Variants in TFEC observed in about 807,000 individuals in gnomAD.
TFEC encodes class E basic helix-loop-helix protein 34.
TFEC carries 31 observed loss-of-function variants against 41.6 expected under a neutral mutation model. The observed-to-expected ratio is 0.74, with a 90% CI of 0.56 to 1.01. TFEC has a LOEUF of 1.01. Among genes scored for constraint, TFEC ranks in the 50% least tolerant of loss-of-function variants. The probability of loss-of-function intolerance (pLI) is 0.00; values close to 1 mark genes in which losing one functional copy is unlikely to be tolerated. For synonymous variants in TFEC, 143 were observed against 140.6 expected (o/e 1.02, Z -0.12); for missense variants, 402 against 404.1 (o/e 0.99, Z 0.04).
chr7:116,096,629 C>T (rs1410801432), intron 3 of TFEC, among the ~76,000 whole-genome samples: 1 of 151,722 alleles, frequency 6.6e-6, no homozygotes, highest in Non-Finnish European at 1.5e-5. Context: ...TGTAAAGTAT[C>T]TGTCCCGATA....
intron 1 of TFEC, among the ~76,000 whole-genome samples, chr7:116,131,518 A>C (rs1256356529): frequency 6.6e-6 from 1 of 152,230 alleles, no homozygotes; most frequent in Non-Finnish European, 1.5e-5. Flanking sequence ...ATATTAGAAA[A>C]GCAAGTGTAA....
intron 1 of TFEC, among the ~76,000 whole-genome samples, chr7:116,131,658 A>AT (rs1398177659): frequency 2.0e-5 from 3 of 152,100 alleles, no homozygotes; most frequent in Admixed American, 6.5e-5. Context: ...ATATTTAAAC[A>AT]TTTTTTTCTA....
chr7:115,993,341 T>C (rs960920998), intron 1 of TFEC, among the ~76,000 whole-genome samples: 3 of 152,196 alleles, frequency 2.0e-5, no homozygotes, highest in African/African-American at 7.2e-5. Context: ...AACATAGTGT[T>C]GGAAGTTCTG....
At chr7:116,114,752 G>A (rs892217142) in intron 1 of TFEC, among the ~76,000 whole-genome samples, 1 of 151,970 alleles carries the variant, frequency 6.6e-6, no homozygotes, top group Admixed American at 6.6e-5. Context: ...TGCAAGAGCG[G>A]TAAAAAATTA....
intron 1 of TFEC, among the ~76,000 whole-genome samples, chr7:116,149,273 G>A (rs2116451448): frequency 6.6e-6 from 1 of 152,218 alleles, no homozygotes; most frequent in South Asian, 2.1e-4. Flanking sequence ...AATACATAAT[G>A]TAGGGAATGA....
chr7:116,110,927 C>A lies in TFEC; in HGVS notation c.-21-1G>T. 1 of 1,477,652 alleles carries A rather than the reference C, an allele frequency of 6.8e-7. No individual in the cohort carries two copies. The highest frequency in any genetic ancestry group is 9.0e-7 in the Non-Finnish European group (1 of 1,114,718). 91.5% of individuals were successfully genotyped at this position (1,477,652 alleles called of 1,614,324 possible). A position where few individuals can be genotyped will look rare whatever the true frequency, so the allele number is the denominator to read the frequency against. ...ACATATTTCTCTTCTTTTCTTCTCACTATTAGTGGATTTGGAAAAAAAGGA... is the reference window on the plus strand; with the variant it reads ...ACATATTTCTCTTCTTTTCTTCTCAATATTAGTGGATTTGGAAAAAAAGGA... On this transcript the variant is annotated splice_acceptor_variant, in intron 2 of 8. Coordinates refer to the TFEC transcript ENST00000484212. LOFTEE classifies it low-confidence loss of function (5UTR_SPLICE).
chr7:116,066,849 G>T (rs982088564), intron 3 of TFEC, among the ~76,000 whole-genome samples: 21 of 151,956 alleles, frequency 1.4e-4, no homozygotes, highest in Admixed American at 1.1e-3. Context: ...CCTAGGCACC[G>T]TTTAGTTTAC....
intron 1 of TFEC, among the ~76,000 whole-genome samples, chr7:116,148,237 G>C (rs1377094887): frequency 6.6e-6 from 1 of 152,164 alleles, no homozygotes; most frequent in African/African-American, 2.4e-5. Flanking sequence ...AAGGACTTTG[G>C]CTTTTACTCA....
At chr7:115,981,083 A>C (rs1299953270) in intron 2 of TFEC, among the ~76,000 whole-genome samples, 3 of 152,034 alleles carry the variant, frequency 2.0e-5, no homozygotes, top group African/African-American at 4.8e-5. Context: ...CTACCTTGGA[A>C]TCATGTTCTA....
intron 1 of TFEC, among the ~76,000 whole-genome samples, chr7:116,146,231 G>T (rs1040103278): frequency 6.6e-6 from 1 of 152,186 alleles, no homozygotes; most frequent in Non-Finnish European, 1.5e-5. Flanking sequence ...GCCCGGTACT[G>T]CTTGCCAATC....
At chr7:116,125,292 T>G (rs1008141493) in intron 1 of TFEC, among the ~76,000 whole-genome samples, 3 of 152,102 alleles carry the variant, frequency 2.0e-5, no homozygotes, top group African/African-American at 7.2e-5. Flanking sequence ...AGGCACTGAG[T>G]TGATAAAGCA....
At chr7:115,983,987 G>T (rs1483227813) in intron 2 of TFEC, among the ~76,000 whole-genome samples, 1 of 151,672 alleles carries the variant, frequency 6.6e-6, no homozygotes, top group East Asian at 1.9e-4. Context: ...TTACAATTAG[G>T]GCTAAATCTT....
At chr7:115,946,293 G>A (rs149085886) in intron 6 of TFEC, among the ~76,000 whole-genome samples, 5 of 150,508 alleles carry the variant, frequency 3.3e-5, no homozygotes, top group East Asian at 2.0e-4. Flanking sequence ...ATGTACATAA[G>A]GACAAATATT....
intron 3 of TFEC, among the ~76,000 whole-genome samples, chr7:116,067,639 G>A (rs1220927842): frequency 6.6e-6 from 1 of 151,904 alleles, no homozygotes; most frequent in African/African-American, 2.4e-5. Flanking sequence ...TTCTGAATAT[G>A]CATTTACTTG....
intron 3 of TFEC, among the ~76,000 whole-genome samples, chr7:116,097,432 T>A (rs557638055): frequency 6.6e-6 from 1 of 152,170 alleles, no homozygotes; most frequent in Non-Finnish European, 1.5e-5. Context: ...ATTATAACAA[T>A]ATGCCAACAT....
chr7:116,158,372 A>T (rs1024741464), intron 1 of TFEC, among the ~76,000 whole-genome samples: 2 of 152,132 alleles, frequency 1.3e-5, no homozygotes, highest in Non-Finnish European at 2.9e-5. Context: ...GAAAAGAAAT[A>T]CCTAAACTGA....
chr7:115,959,089 A>G (rs2130454102), intron 3 of TFEC, among the ~76,000 whole-genome samples: 1 of 151,968 alleles, frequency 6.6e-6, no homozygotes, highest in Middle Eastern at 3.4e-3. Flanking sequence ...GCAAATGAAT[A>G]CCTATTTTAT....
At chr7:116,014,227 A>T (rs1795106904) in intron 1 of TFEC, among the ~76,000 whole-genome samples, 1 of 152,170 alleles carries the variant, frequency 6.6e-6, no homozygotes, top group African/African-American at 2.4e-5. Context: ...CTTATCCTGC[A>T]TAAATATCAT....
At position 115,984,484 on chromosome 7, in the gene TFEC, C is replaced by A; in HGVS notation, c.-43G>T. ...GTCTCTGGGCTTTCTGTAGCTGAGG[C>A]CTTGCAGAACTTTCCAGGTGTGCTG... On this transcript the variant is annotated 5_prime_UTR_variant, in exon 2 of 8. Coordinates refer to ENST00000265440, the MANE Select transcript of TFEC (RefSeq NM_012252.4). 5.0e-6 allele frequency: 8 copies of A among 1,613,970 alleles called. No homozygotes were observed. Among genetic ancestry groups the A allele is most frequent in the Non-Finnish European group, 6.8e-6 (8 of 1,179,950 alleles).
Sources: allele counts gnomAD v4.1 joint callset (sites outside exome capture counted in the v4.1 genomes callset), GRCh38; gene constraint gnomAD v4.1.1; transcripts MANE v1.5; gene names NCBI Gene and HGNC (gene_info 2026-07-23, HGNC 2026-07-21).